Variants in PLEKHG1 observed in about 807,000 individuals in gnomAD.
The protein encoded by PLEKHG1 is pleckstrin homology and RhoGEF domain containing G1.
PLEKHG1 carries 44 observed loss-of-function variants against 100.8 expected under a neutral mutation model. The ratio of observed to expected loss-of-function variants is 0.44; its 90% CI spans 0.34 to 0.56. The LOEUF (loss-of-function observed/expected upper bound fraction) is 0.56. Among genes scored for constraint, PLEKHG1 ranks in the 20% least tolerant of loss-of-function variants. The pLI, the probability that PLEKHG1 is intolerant of heterozygous loss-of-function variation, is 0.01. For missense variants in PLEKHG1, 1,545 were observed against 1,720.9 expected (o/e 0.90, Z 1.81); for synonymous variants, 640 against 662.5 (o/e 0.97, Z 0.52).
chr6:150,803,111 G>A (rs553599125), intron 6 of PLEKHG1, among the ~76,000 whole-genome samples: 2 of 152,278 alleles, frequency 1.3e-5, no homozygotes, highest in East Asian at 1.9e-4. Flanking sequence ...CTAGGATCTT[G>A]TTAACAGCTA....
rs1582907021 is a variant in PLEKHG1 at position 150,662,850 on chromosome 6, G to A, written c.-99+12064G>A. On this transcript the variant is annotated intron_variant, in intron 3 of 3. Coordinates refer to the PLEKHG1 transcript ENST00000367326. ...ACTGTTCTACCACTTCCTACACCTC[G>A]AGACAAGTGTCAACTATGTATTTTT... The A allele has an allele frequency of 2.6e-5, 4 of 152,218 alleles. No individual in the cohort carries two copies. The East Asian group carries it at 5.8e-4, about 22-fold the overall frequency. 9.4% of individuals were successfully genotyped at this position (152,218 alleles called of 1,614,324 possible).
upstream of PLEKHG1, among the ~76,000 whole-genome samples, chr6:150,716,160 GA>G (rs1242082209): frequency 2.7e-5 from 4 of 149,814 alleles, no homozygotes; most frequent in African/African-American, 4.9e-5. Flanking sequence ...TTCTTTCAAA[GA>G]AAAAACTTCT....
intron 10 of PLEKHG1, 45 bp downstream of exon 11, chr6:150,809,779 G>T: frequency 1.4e-6 from 2 of 1,451,148 alleles, no homozygotes; most frequent in Non-Finnish European, 1.9e-6. Context: ...AGAGATACAA[G>T]AATCATTTGA....
At chr6:150,843,627 A>G (rs1777628042) in exon 16 of PLEKHG1, 1 of 152,236 alleles carries the variant, frequency 6.6e-6, no homozygotes, top group African/African-American at 2.4e-5. Flanking sequence ...AAAGTTAGTA[A>G]CGTCCATTAT....
At chr6:150,834,577 G>C (rs1039266969) in intron 15 of PLEKHG1, among the ~76,000 whole-genome samples, 1 of 152,188 alleles carries the variant, frequency 6.6e-6, no homozygotes, top group African/African-American at 2.4e-5. Flanking sequence ...TAGGGCCTAC[G>C]ACTACCTCGA....
intron 4 of PLEKHG1, among the ~76,000 whole-genome samples, chr6:150,791,047 A>G (rs1366554487): frequency 1.3e-5 from 2 of 152,084 alleles, no homozygotes; most frequent in African/African-American, 4.8e-5. Flanking sequence ...AAAAGAATAT[A>G]TACTCCTCTG....
chr6:150,740,772 C>T (rs1310829995), intron 2 of PLEKHG1, among the ~76,000 whole-genome samples: 1 of 152,126 alleles, frequency 6.6e-6, no homozygotes, highest in Admixed American at 6.5e-5. Context: ...GGGATTTTAT[C>T]GTAACGGGTG....
chr6:150,832,803 C>G (rs1777022180), intron 15 of PLEKHG1, among the ~76,000 whole-genome samples: 2 of 150,906 alleles, frequency 1.3e-5, no homozygotes, highest in South Asian at 4.2e-4. Context: ...ACCTCAGCCT[C>G]CTGAGGTGGG....
At chr6:150,646,346 T>C (rs1745406122) in intron 2 of PLEKHG1, among the ~76,000 whole-genome samples, 1 of 152,016 alleles carries the variant, frequency 6.6e-6, no homozygotes, top group Non-Finnish European at 1.5e-5. Context: ...GTGTGGGCCA[T>C]GTGCCAATCC....
chr6:150,753,619 A>G (rs1783654317), intron 2 of PLEKHG1, among the ~76,000 whole-genome samples: 1 of 152,220 alleles, frequency 6.6e-6, no homozygotes, highest in Non-Finnish European at 1.5e-5. Context: ...ATGGCCTCGT[A>G]AATGCTGTTC....
At chr6:150,767,564 A>G (rs1784509819) in intron 2 of PLEKHG1, among the ~76,000 whole-genome samples, 1 of 152,230 alleles carries the variant, frequency 6.6e-6, no homozygotes, top group South Asian at 2.1e-4. Context: ...CCTAAAGAAC[A>G]TGAGAGAATG....
intron 3 of PLEKHG1, among the ~76,000 whole-genome samples, chr6:150,771,448 C>G (rs535035760): frequency 6.6e-6 from 1 of 151,986 alleles, no homozygotes. Flanking sequence ...AATGAACGAA[C>G]GAACGAGTTG....
At chr6:150,714,057 A>G (rs1781334944) in intron 3 of PLEKHG1, among the ~76,000 whole-genome samples, 1 of 152,216 alleles carries the variant, frequency 6.6e-6, no homozygotes. Context: ...TCAAAAGTAT[A>G]GATTGTGTTG....
chr6:150,699,779 T>C (rs1780692039), intron 3 of PLEKHG1, among the ~76,000 whole-genome samples: 1 of 152,234 alleles, frequency 6.6e-6, no homozygotes, highest in African/African-American at 2.4e-5. Context: ...GGGATCTTAA[T>C]GAAGGCCATG....
chr6:150,747,781 A>G (rs2128626587), intron 2 of PLEKHG1, among the ~76,000 whole-genome samples: 1 of 152,178 alleles, frequency 6.6e-6, no homozygotes, highest in Non-Finnish European at 1.5e-5. Flanking sequence ...GTGTAATGCC[A>G]GCTACTCGGG....
At chr6:150,705,708 C>G (rs530791005) in intron 3 of PLEKHG1, among the ~76,000 whole-genome samples, 1 of 152,190 alleles carries the variant, frequency 6.6e-6, no homozygotes, top group East Asian at 1.9e-4. Flanking sequence ...TTTTCTATCC[C>G]GCTCACCCAC....
chr6:150,752,920 T>TC (rs768117975), intron 2 of PLEKHG1, among the ~76,000 whole-genome samples: 1 of 152,070 alleles, frequency 6.6e-6, no homozygotes, highest in Non-Finnish European at 1.5e-5. Context: ...AAAGCCAGCC[T>TC]CGGCAACATG....
intron 14 of PLEKHG1, among the ~76,000 whole-genome samples, chr6:150,826,117 A>C (rs887813461): frequency 5.3e-5 from 8 of 150,974 alleles, no homozygotes; most frequent in African/African-American, 1.7e-4. Flanking sequence ...AGGAGGTGGA[A>C]GTTACAGTGA....
chr6:150,832,898 G>A (rs1182756949), intron 15 of PLEKHG1, among the ~76,000 whole-genome samples: 15 of 150,122 alleles, frequency 1.0e-4, no homozygotes, highest in Admixed American at 9.3e-4. Flanking sequence ...GGCTGGTCTC[G>A]ACTCCTGGGC....
Sources: gnomAD v4.1 joint callset for allele counts (sites outside exome capture counted in the v4.1 genomes callset) on GRCh38, gnomAD v4.1.1 for gene constraint, MANE v1.5 for transcripts, NCBI Gene and HGNC (gene_info 2026-07-23, HGNC 2026-07-21) for gene names.